Variants in SLC17A1 observed in about 807,000 individuals in gnomAD.
The protein encoded by SLC17A1 is sodium-dependent phosphate transport protein 1.
Under a neutral mutation model 53.5 loss-of-function variants are expected in SLC17A1, and 51 were observed. The ratio of observed to expected loss-of-function variants is 0.95; its 90% CI spans 0.76 to 1.20. The LOEUF (loss-of-function observed/expected upper bound fraction) is 1.20. Ranked by LOEUF, SLC17A1 falls within the 50% of genes most tolerant of loss-of-function variation. SLC17A1 has a pLI of 0.00. For synonymous variants in SLC17A1, 179 were observed against 198.8 expected (o/e 0.90, Z 0.84); for missense variants, 538 against 568.2 (o/e 0.95, Z 0.54).
the SLC17A1 span, among the ~76,000 whole-genome samples, chr6:25,729,268 G>A: frequency 6.6e-6 from 1 of 152,190 alleles, no homozygotes; most frequent in African/African-American, 2.4e-5. Context: ...GATAAGTAAT[G>A]CAACCAAACA....
chr6:25,825,755 T>C (rs1465744990), intron 3 of SLC17A1, among the ~76,000 whole-genome samples: 2 of 152,082 alleles, frequency 1.3e-5, no homozygotes, highest in African/African-American at 4.8e-5. Context: ...TCCTATTCTC[T>C]CTGGCATTCT....
chr6:25,728,274 G>C, the SLC17A1 span, among the ~76,000 whole-genome samples: 1 of 152,096 alleles, frequency 6.6e-6, no homozygotes, highest in Non-Finnish European at 1.5e-5. Flanking sequence ...GAATTAAACG[G>C]ATTTAAAATG....
At chr6:25,756,875 A>C in the SLC17A1 span, among the ~76,000 whole-genome samples, 2 of 152,202 alleles carry the variant, frequency 1.3e-5, no homozygotes, top group African/African-American at 4.8e-5. Context: ...TAGCTTGTGG[A>C]AAAAAATGTT....
downstream of SLC17A1, among the ~76,000 whole-genome samples, chr6:25,778,654 TA>T (rs1279322640): frequency 6.6e-6 from 1 of 152,180 alleles, no homozygotes; most frequent in Non-Finnish European, 1.5e-5. Flanking sequence ...TCTATGGAAG[TA>T]AAATATATGA....
chr6:25,755,561 A>T, the SLC17A1 span, among the ~76,000 whole-genome samples: 4 of 64,254 alleles, frequency 6.2e-5, no homozygotes, highest in Admixed American at 1.5e-4. Context: ...AGACACAAGC[A>T]GTCTTGGCAA....
intron 12 of SLC17A1, among the ~76,000 whole-genome samples, chr6:25,784,262 T>A (rs1465539395): frequency 2.6e-5 from 4 of 152,166 alleles, no homozygotes; most frequent in Non-Finnish European, 5.9e-5. Flanking sequence ...TCATGATACA[T>A]CTTATCCTAG....
chr6:25,811,367 G>A (rs551054400), intron 10 of SLC17A1, 31 bp downstream of exon 10: 58 of 1,575,440 alleles, frequency 3.7e-5, no homozygotes, highest in African/African-American at 2.7e-5. Flanking sequence ...ATTTGTTAAA[G>A]GTTAAAAAAA....
the SLC17A1 span, among the ~76,000 whole-genome samples, chr6:25,752,358 A>T: frequency 1.3e-5 from 2 of 152,316 alleles, no homozygotes; most frequent in South Asian, 2.1e-4. Context: ...AAGGTACAGT[A>T]AAAAGATAAA....
At chr6:25,777,240 A>G in the SLC17A1 span, 1 of 375,984 alleles carries the variant, frequency 2.7e-6, no homozygotes, top group Non-Finnish European at 4.8e-6. Flanking sequence ...GGAATGCAGC[A>G]CTTGCCTAAG....
intron 12 of SLC17A1, 139 bp downstream of exon 12, chr6:25,798,644 A>C (rs1763659396): frequency 1.5e-6 from 1 of 674,704 alleles, no homozygotes; most frequent in African/African-American, 1.8e-5. Flanking sequence ...CAGGATGTCT[A>C]ATATTCTCAG....
chr6:25,731,900 C>T, the SLC17A1 span: 7 of 1,602,738 alleles, frequency 4.4e-6, no homozygotes, highest in Admixed American at 1.7e-5. Flanking sequence ...AGGTGATGGT[C>T]GAGCGCTTGT....
At chr6:25,769,993 G>C in the SLC17A1 span, 1 of 1,284,174 alleles carries the variant, frequency 7.8e-7, no homozygotes, top group Non-Finnish European at 1.1e-6. Context: ...ATTAATTTTT[G>C]CCTCTCAAGT....
rs138865986 is a variant in SLC17A1, at chr6:25,831,259, A to G, written c.-50-652T>C. The stretch of plus-strand genomic sequence containing the variant: ...GTCTCCTATCAGGCAACCCCTTACC[A>G]TCAGAATTCAGCACCAATATGTGCT... On this transcript the variant is annotated intron_variant, in intron 1 of 12. Coordinates refer to ENST00000244527, the MANE Select transcript of SLC17A1 (RefSeq NM_005074.5). Among the ~76,000 whole-genome samples, 1,106 of 152,224 alleles carry G rather than the reference A, an allele frequency of 7.3e-3. 37 individuals carry two copies. Among genetic ancestry groups the G allele is most frequent in the East Asian group, 0.01 (54 of 5,172 alleles).
the SLC17A1 span, among the ~76,000 whole-genome samples, chr6:25,736,693 G>T: frequency 3.8e-3 from 585 of 152,234 alleles, 4 homozygotes; most frequent in Non-Finnish European, 6.6e-3. Flanking sequence ...CTGACTCTCA[G>T]TGTCTTCTGT....
chr6:25,757,301 G>A, the SLC17A1 span, among the ~76,000 whole-genome samples: 1 of 152,026 alleles, frequency 6.6e-6, no homozygotes, highest in African/African-American at 2.4e-5. Context: ...CCTTCACAGA[G>A]AGCACATGGA....
intron 10 of SLC17A1, among the ~76,000 whole-genome samples, chr6:25,810,839 CAT>C (rs1266330497): frequency 6.6e-6 from 1 of 152,098 alleles, no homozygotes; most frequent in Non-Finnish European, 1.5e-5. Context: ...ATAGCCAAGA[CAT>C]AGGATCAACC....
At chr6:25,751,949 T>C in the SLC17A1 span, among the ~76,000 whole-genome samples, 1 of 152,104 alleles carries the variant, frequency 6.6e-6, no homozygotes, top group Non-Finnish European at 1.5e-5. Context: ...GCCACAGAAA[T>C]GAAGTTTTTG....
chr6:25,820,270 T>C lies in SLC17A1; in HGVS notation c.208-355A>G, dbSNP rs146053059. 4.0e-4 allele frequency among the ~76,000 whole-genome samples: 61 copies of C among 152,316 alleles called. 2 individuals are homozygous for C. The East Asian group carries it at 0.01, about 26-fold the overall frequency. On this transcript the variant is annotated intron_variant, in intron 3 of 12. Coordinates refer to ENST00000244527, the MANE Select transcript of SLC17A1 (RefSeq NM_005074.5). The stretch of plus-strand genomic sequence containing the variant: ...TAAATAGTTAATTTCCTGTACTTCA[T>C]AGTACTACTCATACTGCAGTTGTGA...
At chr6:25,747,711 T>G in the SLC17A1 span, among the ~76,000 whole-genome samples, 15,645 of 152,288 alleles carry the variant, frequency 0.1, 903 homozygotes, top group Middle Eastern at 0.16. Context: ...TTCTCTGTTG[T>G]TCACCACTAG....
Sources: gnomAD v4.1 joint callset for allele counts (sites outside exome capture counted in the v4.1 genomes callset) on GRCh38, gnomAD v4.1.1 for gene constraint, MANE v1.5 for transcripts, NCBI Gene and HGNC (gene_info 2026-07-23, HGNC 2026-07-21) for gene names.